The following IFT57 variants were observed in gnomAD, a reference collection of about 807,000 sequenced individuals.
IFT57 encodes the protein intraflagellar transport 57, also known as intraflagellar transport protein 57 homolog.
IFT57 carries 59 observed loss-of-function variants against 56.8 expected under a neutral mutation model. The ratio of observed to expected loss-of-function variants is 1.04; its 90% CI spans 0.84 to 1.29. IFT57 has a LOEUF of 1.29. IFT57 is among the 50% of genes most tolerant of loss of function. IFT57 has a pLI of 0.00. For synonymous variants in IFT57, 209 were observed against 186.1 expected (o/e 1.12, Z -1.00); for missense variants, 470 against 522.1 (o/e 0.90, Z 0.97).
intron 6 of IFT57, 78 bp from the exon 7 acceptor site, chr3:108,167,942 C>G: frequency 2.8e-6 from 3 of 1,070,360 alleles, no homozygotes; most frequent in Non-Finnish European, 1.3e-6. Flanking sequence ...GAAGTTGTAA[C>G]CTTTAATTAC....
intron 5 of IFT57, among the ~76,000 whole-genome samples, chr3:108,198,874 A>G (rs918376748): frequency 5.3e-5 from 8 of 152,168 alleles, no homozygotes; most frequent in African/African-American, 1.7e-4. Flanking sequence ...TTTACCATTT[A>G]ATTGAACAGT....
At chr3:108,203,699 A>C (rs1056225796) in intron 5 of IFT57, among the ~76,000 whole-genome samples, 4 of 152,250 alleles carry the variant, frequency 2.6e-5, no homozygotes, top group Non-Finnish European at 1.5e-5. Flanking sequence ...TGAAAAAAGC[A>C]GTGAAAAAGC....
intron 3 of IFT57, among the ~76,000 whole-genome samples, chr3:108,216,741 G>A (rs1289769200): frequency 6.6e-6 from 1 of 152,116 alleles, no homozygotes; most frequent in African/African-American, 2.4e-5. Context: ...TCCATCAAAG[G>A]TTGAATAGAA....
At chr3:108,218,965 A>G (rs112572579) in intron 2 of IFT57, among the ~76,000 whole-genome samples, 3 of 152,326 alleles carry the variant, frequency 2.0e-5, no homozygotes, top group African/African-American at 7.2e-5. Context: ...GTTTAAGGAC[A>G]GAGTGATTCA....
intron 3 of IFT57, chr3:108,218,269 T>A: frequency 4.6e-6 from 1 of 219,260 alleles, no homozygotes; most frequent in Non-Finnish European, 8.9e-6. Context: ...TTTACAAAGA[T>A]ATGTAGTCAC....
intron 3 of IFT57, among the ~76,000 whole-genome samples, chr3:108,215,441 T>C (rs1358285759): frequency 6.6e-6 from 1 of 152,052 alleles, no homozygotes; most frequent in African/African-American, 2.4e-5. Context: ...TGTGCACCTG[T>C]AGTCCCAGCT....
intron 5 of IFT57, among the ~76,000 whole-genome samples, chr3:108,199,891 A>G (rs1040485472): frequency 1.3e-5 from 2 of 152,210 alleles, no homozygotes; most frequent in East Asian, 3.8e-4. Flanking sequence ...TGAGTCAGGT[A>G]GAGAGACAGT....
In IFT57 at chr3:108,185,255, C is replaced by T. The variant is rs117292170; in HGVS notation, c.777+6266G>A. Among the ~76,000 whole-genome samples, 1,194 of 152,084 alleles carry T rather than the reference C, an allele frequency of 7.9e-3. 33 individuals are homozygous for T. Among genetic ancestry groups the T allele is most frequent in the East Asian group, 0.063 (327 of 5,182 alleles). ...TTCAAGAAAAAATGAAGATATAATA[C>T]GACAATTTAAAGCAAAAGGAGGGTG... On this transcript the variant is annotated intron_variant, in intron 6 of 10. Coordinates refer to ENST00000264538, the MANE Select transcript of IFT57 (RefSeq NM_018010.4).
chr3:108,180,951 T>C (rs2080148400), intron 6 of IFT57, among the ~76,000 whole-genome samples: 1 of 152,046 alleles, frequency 6.6e-6, no homozygotes, highest in African/African-American at 2.4e-5. Flanking sequence ...AGTTGAGGTA[T>C]ATCAACAGTG....
chr3:108,179,392 A>G (rs777458588), intron 6 of IFT57, among the ~76,000 whole-genome samples: 96 of 152,122 alleles, frequency 6.3e-4, no homozygotes, highest in Middle Eastern at 6.8e-3. Flanking sequence ...AAGGAGGTGC[A>G]CATATCTAAG....
At chr3:108,185,071 T>C (rs1483526091) in intron 6 of IFT57, among the ~76,000 whole-genome samples, 1 of 152,028 alleles carries the variant, frequency 6.6e-6, no homozygotes, top group African/African-American at 2.4e-5. Flanking sequence ...AGAACCATTA[T>C]AAAAAAAGAA....
At chr3:108,173,621 T>C (rs982134831) in intron 6 of IFT57, among the ~76,000 whole-genome samples, 3 of 151,778 alleles carry the variant, frequency 2.0e-5, no homozygotes, top group Admixed American at 6.6e-5. Context: ...GAATATCTCA[T>C]GTAATTTATT....
intron 5 of IFT57, among the ~76,000 whole-genome samples, chr3:108,192,174 C>CAAAAAA (rs11347289): frequency 1.3e-5 from 1 of 74,696 alleles, no homozygotes; most frequent in African/African-American, 5.3e-5. Flanking sequence ...GACTCTGTCT[C>CAAAAAA]AAAAAAAAAA....
intron 5 of IFT57, among the ~76,000 whole-genome samples, chr3:108,200,674 A>T (rs918206449): frequency 3.9e-5 from 6 of 152,166 alleles, no homozygotes; most frequent in African/African-American, 1.4e-4. Flanking sequence ...GATCTCCTTG[A>T]GTCATTTCTG....
chr3:108,173,408 A>G (rs755502503), intron 6 of IFT57, among the ~76,000 whole-genome samples: 2 of 151,816 alleles, frequency 1.3e-5, no homozygotes, highest in Non-Finnish European at 2.9e-5. Context: ...CTTCATAATT[A>G]AAATTGCTTC....
At chr3:108,219,368 A>G (rs765898399) in intron 2 of IFT57, 42 bp downstream of exon 2, 2 of 1,532,766 alleles carry the variant, frequency 1.3e-6, no homozygotes, top group Non-Finnish European at 9.0e-7. Flanking sequence ...ATTAAAATTC[A>G]TAACTTGAGA....
At chr3:108,186,314 G>A (rs2080181559) in intron 6 of IFT57, among the ~76,000 whole-genome samples, 1 of 84,546 alleles carries the variant, frequency 1.2e-5, no homozygotes, top group African/African-American at 4.6e-5. Context: ...AGAGACTGTG[G>A]CTATGCCAAA....
At chr3:108,191,923 T>C (rs554656636) in intron 5 of IFT57, among the ~76,000 whole-genome samples, 7 of 152,270 alleles carry the variant, frequency 4.6e-5, no homozygotes, top group South Asian at 2.1e-4. Context: ...TCAATAGGAA[T>C]ACCATCAAAT....
intron 4 of IFT57, among the ~76,000 whole-genome samples, chr3:108,208,047 G>GA (rs869115655): frequency 0.12 from 11,298 of 92,268 alleles, 720 homozygotes; most frequent in African/African-American, 0.23. Context: ...CGTCTCAAAA[G>GA]AAAAAAAAAA....
Sources: gnomAD v4.1 joint callset for allele counts (sites outside exome capture counted in the v4.1 genomes callset) on GRCh38, gnomAD v4.1.1 for gene constraint, MANE v1.5 for transcripts, NCBI Gene and HGNC (gene_info 2026-07-23, HGNC 2026-07-21) for gene names.